Variants in THADA observed in about 807,000 individuals in gnomAD.
THADA encodes tRNA (32-2'-O)-methyltransferase regulator THADA.
In THADA, 213 loss-of-function variants were observed where a neutral mutation model predicts 219.8. The observed-to-expected ratio is 0.97, with a 90% CI of 0.87 to 1.09. THADA has a LOEUF of 1.09. Among genes scored for constraint, THADA ranks in the 50% least tolerant of loss-of-function variants. The probability of loss-of-function intolerance (pLI) is 0.00; values close to 1 mark genes in which losing one functional copy is unlikely to be tolerated. For missense variants in THADA, 2,956 were observed against 2,311.3 expected (o/e 1.28, Z -5.72); for synonymous variants, 1,018 against 828.9 (o/e 1.23, Z -3.92).
chr2:43,246,725 G>A (rs1156817622), intron 36 of THADA, among the ~76,000 whole-genome samples: 2 of 152,106 alleles, frequency 1.3e-5, no homozygotes, highest in Admixed American at 1.3e-4. Flanking sequence ...AAATTTCTGG[G>A]AATTTTATAT....
chr2:43,555,981 C>T, intron 17 of THADA: 1 of 205,688 alleles, frequency 4.9e-6, no homozygotes, highest in Non-Finnish European at 8.7e-6. Context: ...AAACATAAAC[C>T]CTGACAGAAA....
intron 29 of THADA, among the ~76,000 whole-genome samples, chr2:43,354,993 A>G (rs902518367): frequency 2.6e-5 from 4 of 152,006 alleles, no homozygotes; most frequent in Non-Finnish European, 5.9e-5. Flanking sequence ...CTTTTCCGCC[A>G]TGATTGTTAA....
intron 26 of THADA, among the ~76,000 whole-genome samples, chr2:43,479,469 A>T (rs1412877634): frequency 6.6e-6 from 1 of 152,192 alleles, no homozygotes; most frequent in Non-Finnish European, 1.5e-5. Flanking sequence ...CATTTTAATT[A>T]AAGATATCAA....
At chr2:43,234,539 C>G (rs1289637729) in intron 36 of THADA, among the ~76,000 whole-genome samples, 3 of 152,212 alleles carry the variant, frequency 2.0e-5, no homozygotes, top group Non-Finnish European at 4.4e-5. Context: ...GACTGGGCCT[C>G]TACCTACAAT....
intron 22 of THADA, among the ~76,000 whole-genome samples, chr2:43,526,931 A>G (rs1252047412): frequency 3.3e-5 from 5 of 152,188 alleles, no homozygotes; most frequent in Non-Finnish European, 7.3e-5. Flanking sequence ...AAAAAAGTTC[A>G]TAAGTCATAT....
chr2:43,539,489 T>C (rs1330894091), intron 21 of THADA, among the ~76,000 whole-genome samples: 1 of 152,236 alleles, frequency 6.6e-6, no homozygotes, highest in Non-Finnish European at 1.5e-5. Flanking sequence ...TTTGGATTTT[T>C]ATTGACTCCT....
At chr2:43,546,907 T>C (rs1209493315) in intron 20 of THADA, among the ~76,000 whole-genome samples, 2 of 152,156 alleles carry the variant, frequency 1.3e-5, no homozygotes, top group Admixed American at 6.5e-5. Flanking sequence ...AATTTGATCC[T>C]GTCATTATGA....
chr2:43,544,416 G>A (rs1203415027), intron 20 of THADA, among the ~76,000 whole-genome samples: 1 of 152,102 alleles, frequency 6.6e-6, no homozygotes, highest in Admixed American at 6.6e-5. Flanking sequence ...GTGAAGAAAG[G>A]CATTGGTAGC....
intron 36 of THADA, among the ~76,000 whole-genome samples, chr2:43,234,995 TC>T (rs201162489): frequency 5.3e-5 from 8 of 150,638 alleles, no homozygotes; most frequent in African/African-American, 1.2e-4. Context: ...TTTTTTTTTT[TC>T]TCAGACTGAG....
At chr2:43,444,763 T>TAC (rs1681300219) in intron 26 of THADA, among the ~76,000 whole-genome samples, 1 of 152,052 alleles carries the variant, frequency 6.6e-6, no homozygotes, top group Non-Finnish European at 1.5e-5. Flanking sequence ...ACCCATTTCT[T>TAC]ATACACACAT....
chr2:43,315,023 C>G (rs1677921859), intron 31 of THADA, among the ~76,000 whole-genome samples: 1 of 152,188 alleles, frequency 6.6e-6, no homozygotes, highest in African/African-American at 2.4e-5. Context: ...GTTTATGCCC[C>G]TAGCCCTTCA....
chr2:43,377,884 C>T (rs1012999292), intron 29 of THADA, among the ~76,000 whole-genome samples: 2 of 152,102 alleles, frequency 1.3e-5, no homozygotes, highest in Non-Finnish European at 2.9e-5. Context: ...GGGAAAGGCA[C>T]CAGACACCGC....
rs995678955 is a variant in THADA, at chr2:43,522,701, CAACT to C, written c.3374+5174_3374+5177del. Among the ~76,000 whole-genome samples, 37 of 152,242 alleles carry C rather than the reference CAACT, an allele frequency of 2.4e-4. 1 individual carries two copies. The highest frequency in any genetic ancestry group is 8.2e-4 in the African/African-American group (34 of 41,546). ...CGAGGAAAAACAGTAATATCTGACTCAACTATTACAGTAGGCTTAAAAATGAAAA... is the reference window on the plus strand; with the variant it reads ...CGAGGAAAAACAGTAATATCTGACTCATTACAGTAGGCTTAAAAATGAAAA... On this transcript the variant is annotated intron_variant, in intron 22 of 37. Coordinates refer to ENST00000405975, the MANE Select transcript of THADA (RefSeq NM_022065.5).
At chr2:43,266,860 G>A (rs1671584114) in intron 36 of THADA, among the ~76,000 whole-genome samples, 1 of 152,162 alleles carries the variant, frequency 6.6e-6, no homozygotes, top group African/African-American at 2.4e-5. Flanking sequence ...AAGCACAGTG[G>A]TGGAACAGGC....
intron 36 of THADA, among the ~76,000 whole-genome samples, chr2:43,268,579 A>G (rs1671786945): frequency 6.6e-6 from 1 of 152,224 alleles, no homozygotes; most frequent in South Asian, 2.1e-4. Context: ...AGATTTGAGA[A>G]CAGAATTGGA....
At chr2:43,573,043 A>T in intron 11 of THADA, 51 bp from the exon 12 acceptor site, 1 of 1,352,324 alleles carries the variant, frequency 7.4e-7, no homozygotes, top group Non-Finnish European at 9.9e-7. Flanking sequence ...TGACTACTAT[A>T]ATTATCAGCT....
At chr2:43,347,085 G>A (rs1322563458) in intron 29 of THADA, among the ~76,000 whole-genome samples, 2 of 152,130 alleles carry the variant, frequency 1.3e-5, no homozygotes, top group African/African-American at 4.8e-5. Flanking sequence ...TCATCTGATG[G>A]TGGAGGCAGG....
At chr2:43,250,867 T>C (rs756683949) in intron 36 of THADA, among the ~76,000 whole-genome samples, 1 of 152,196 alleles carries the variant, frequency 6.6e-6, no homozygotes, top group Non-Finnish European at 1.5e-5. Context: ...TGGGCCCATT[T>C]GCTTTAAAGG....
intron 28 of THADA, among the ~76,000 whole-genome samples, chr2:43,422,042 T>C (rs1250068803): frequency 1.3e-5 from 2 of 152,252 alleles, no homozygotes; most frequent in African/African-American, 4.8e-5. Flanking sequence ...GCCAAACAGA[T>C]ACCTTGATGA....
Sources: allele counts gnomAD v4.1 joint callset (sites outside exome capture counted in the v4.1 genomes callset), GRCh38; gene constraint gnomAD v4.1.1; transcripts MANE v1.5; gene names NCBI Gene and HGNC (gene_info 2026-07-23, HGNC 2026-07-21).